SLC24A2: variants seen among roughly 807,000 people sequenced by gnomAD.
SLC24A2 encodes the protein sodium/potassium/calcium exchanger 2.
Under a neutral mutation model 62.0 loss-of-function variants are expected in SLC24A2, and 36 were observed. The ratio of observed to expected loss-of-function variants is 0.58; its 90% CI spans 0.44 to 0.77. SLC24A2 has a LOEUF of 0.77. Among genes scored for constraint, SLC24A2 ranks in the 30% least tolerant of loss-of-function variants. SLC24A2 has a pLI of 0.00. For synonymous variants in SLC24A2, 358 were observed against 294.0 expected, an observed-to-expected ratio of 1.22 and a Z score of -2.23; for missense variants, 846 against 817.9, an observed-to-expected ratio of 1.03 and a Z score of -0.42.
chr9:20,195,459 T>A, the SLC24A2 span, among the ~76,000 whole-genome samples: 1 of 152,204 alleles, frequency 6.6e-6, no homozygotes, highest in Non-Finnish European at 1.5e-5. Flanking sequence ...TTCGTGTATT[T>A]ATTGACCATT....
chr9:19,855,957 C>T, the SLC24A2 span, among the ~76,000 whole-genome samples: 2 of 152,150 alleles, frequency 1.3e-5, no homozygotes, highest in African/African-American at 2.4e-5. Context: ...TACATAATCT[C>T]ATAGTTCTTG....
At chr9:20,125,108 G>T in the SLC24A2 span, among the ~76,000 whole-genome samples, 1 of 152,242 alleles carries the variant, frequency 6.6e-6, no homozygotes, top group South Asian at 2.1e-4. Context: ...AAAATGCCCA[G>T]TTCATAAGAG....
the SLC24A2 span, among the ~76,000 whole-genome samples, chr9:20,056,536 T>A: frequency 6.6e-6 from 1 of 152,216 alleles, no homozygotes; most frequent in Non-Finnish European, 1.5e-5. Flanking sequence ...CTTTTCTTAA[T>A]GAATTAATTA....
chr9:20,228,572 G>C, the SLC24A2 span, among the ~76,000 whole-genome samples: 18 of 152,054 alleles, frequency 1.2e-4, no homozygotes, highest in African/African-American at 4.1e-4. Flanking sequence ...CTGTAGGGTG[G>C]GTGCATTGGA....
At chr9:19,974,307 C>T in the SLC24A2 span, among the ~76,000 whole-genome samples, 5 of 152,014 alleles carry the variant, frequency 3.3e-5, no homozygotes, top group South Asian at 2.1e-4. Flanking sequence ...TGTCCTGAAA[C>T]CCTATAGTGA....
chr9:20,106,261 C>T, the SLC24A2 span, among the ~76,000 whole-genome samples: 2 of 152,164 alleles, frequency 1.3e-5, no homozygotes, highest in East Asian at 3.8e-4. Context: ...CCGAATTCTA[C>T]CAGAGGTACA....
At chr9:20,281,498 A>C in the SLC24A2 span, among the ~76,000 whole-genome samples, 1 of 152,192 alleles carries the variant, frequency 6.6e-6, no homozygotes, top group East Asian at 1.9e-4. Flanking sequence ...CTCCCACAAG[A>C]AAAACCATAA....
At chr9:19,550,679 G>C (rs1344520943) in intron 7 of SLC24A2, among the ~76,000 whole-genome samples, 1 of 146,646 alleles carries the variant, frequency 6.8e-6, no homozygotes, top group African/African-American at 2.5e-5. Context: ...GGGAAGGAGA[G>C]CACTGATAAA....
At chr9:19,619,219 C>A (rs888576173) in intron 4 of SLC24A2, among the ~76,000 whole-genome samples, 3 of 152,188 alleles carry the variant, frequency 2.0e-5, no homozygotes, top group Non-Finnish European at 4.4e-5. Flanking sequence ...CACAATTTAT[C>A]TTCACACACA....
intron 7 of SLC24A2, among the ~76,000 whole-genome samples, chr9:19,555,943 GA>G (rs945967087): frequency 3.3e-5 from 5 of 151,496 alleles, no homozygotes; most frequent in African/African-American, 4.8e-5. Context: ...CCATCTTGGG[GA>G]AAAAAAAGAC....
At chr9:19,751,730 T>A (rs140883794) in intron 2 of SLC24A2, among the ~76,000 whole-genome samples, 14 of 152,304 alleles carry the variant, frequency 9.2e-5, no homozygotes, top group African/African-American at 3.4e-4. Context: ...TCACCTGATA[T>A]GCCAATCTGC....
At chr9:20,036,714 T>A in the SLC24A2 span, among the ~76,000 whole-genome samples, 2 of 152,218 alleles carry the variant, frequency 1.3e-5, no homozygotes, top group Non-Finnish European at 2.9e-5. Context: ...TATACAGTCA[T>A]CTTTCGGTAT....
At position 19,576,761 on chromosome 9, in the gene SLC24A2, C is replaced by T. The variant is rs117942137; in HGVS notation, c.1228+163G>A. 5.0e-3 allele frequency among the ~76,000 whole-genome samples: 764 copies of T among 152,260 alleles called. 4 individuals are homozygous for T. The highest frequency in any genetic ancestry group is 0.024 in the Middle Eastern group (7 of 294). On this transcript the variant is annotated intron_variant, in intron 6 of 10. Transcript: ENST00000341998. ...ATACTGTGTCCATGCATACCCTGTA[C>T]ACACTAGGGCAAGAGGGACTCATTT...
At chr9:20,099,136 T>C in the SLC24A2 span, among the ~76,000 whole-genome samples, 22 of 152,342 alleles carry the variant, frequency 1.4e-4, 1 homozygote, top group South Asian at 4.1e-3. Context: ...CAAAGCATGA[T>C]AATAACATGG....
At position 19,780,281 on chromosome 9, in the gene SLC24A2, T is replaced by C. The variant is rs1230071507; in HGVS notation, c.930+5656A>G. Among the ~76,000 whole-genome samples the C allele has an allele frequency of 6.6e-5, 10 of 151,404 alleles. No homozygotes were observed. In the South Asian group the frequency reaches 1.7e-3, roughly 25 times the overall value. ...AAAATTGCTTTTTCTTTTTCTTTTT[T>C]TTTTGAGATGGAGTCTCACTCTGTC... On this transcript the variant is annotated intron_variant, in intron 2 of 10. Coordinates refer to ENST00000341998, the MANE Select transcript of SLC24A2 (RefSeq NM_020344.4).
At chr9:20,158,333 G>C in the SLC24A2 span, among the ~76,000 whole-genome samples, 1 of 151,640 alleles carries the variant, frequency 6.6e-6, no homozygotes, top group Non-Finnish European at 1.5e-5. Context: ...TAACCTCCAA[G>C]TTTATGGGAT....
chr9:20,112,265 A>G, the SLC24A2 span, among the ~76,000 whole-genome samples: 1 of 152,202 alleles, frequency 6.6e-6, no homozygotes, highest in African/African-American at 2.4e-5. Flanking sequence ...ACAATCCTCG[A>G]TAATTTTCGA....
intron 2 of SLC24A2, among the ~76,000 whole-genome samples, chr9:19,690,196 C>T (rs557706724): frequency 1.6e-4 from 25 of 152,174 alleles, no homozygotes; most frequent in Admixed American, 5.2e-4. Flanking sequence ...CACACACACG[C>T]GCATGCATAC....
At chr9:20,060,869 T>G in the SLC24A2 span, among the ~76,000 whole-genome samples, 1 of 152,136 alleles carries the variant, frequency 6.6e-6, no homozygotes, top group East Asian at 1.9e-4. Context: ...TATGCAAAAC[T>G]TAATTGTATT....
Sources: allele counts gnomAD v4.1 joint callset (sites outside exome capture counted in the v4.1 genomes callset), GRCh38; gene constraint gnomAD v4.1.1; transcripts MANE v1.5; gene names NCBI Gene and HGNC (gene_info 2026-07-23, HGNC 2026-07-21).